The following ARHGAP24 variants were observed in gnomAD, a reference collection of about 807,000 sequenced individuals.
ARHGAP24 encodes rho GTPase-activating protein 24.
ARHGAP24 carries 50 observed loss-of-function variants against 76.4 expected under a neutral mutation model. The observed-to-expected ratio is 0.65, with a 90% CI of 0.52 to 0.83. The LOEUF (loss-of-function observed/expected upper bound fraction) is 0.83. Ranked by LOEUF, ARHGAP24 falls within the 40% of genes least tolerant of loss-of-function variation. The pLI is 0.00. For synonymous variants in ARHGAP24, 345 were observed against 323.3 expected (o/e 1.07, Z -0.72); for missense variants, 930 against 914.2 (o/e 1.02, Z -0.22).
intron 3 of ARHGAP24, among the ~76,000 whole-genome samples, chr4:85,754,242 G>A (rs183943418): frequency 6.6e-6 from 1 of 152,286 alleles, no homozygotes; most frequent in East Asian, 1.9e-4. Flanking sequence ...CATCCATGCT[G>A]CTGCAAATGA....
intron 3 of ARHGAP24, among the ~76,000 whole-genome samples, chr4:85,913,463 CTT>C (rs1388721906): frequency 2.0e-5 from 3 of 151,974 alleles, no homozygotes; most frequent in African/African-American, 2.4e-5. Flanking sequence ...TTCAGCCTCT[CTT>C]GTTTCTTTCT....
rs1740625017 is a variant in ARHGAP24 at position 85,995,730 on chromosome 4, G to A, written c.2003+73G>A. The A allele has an allele frequency of 2.1e-6, 3 of 1,420,506 alleles. No individual in the cohort carries two copies. In the Admixed American group the frequency reaches 5.4e-5, roughly 26 times the overall value. 88.0% of individuals were successfully genotyped at this position (1,420,506 alleles called of 1,614,324 possible). On this transcript the variant is annotated intron_variant, in intron 9 of 9. Transcript: ENST00000395184. ...TCCTACTGTGGGACAGGATCACACT[G>A]AGGGTGACATATGCTGGCTCCAAAG...
chr4:85,695,783 A>G (rs770269818), intron 2 of ARHGAP24, among the ~76,000 whole-genome samples: 27 of 152,338 alleles, frequency 1.8e-4, no homozygotes, highest in South Asian at 4.1e-4. Flanking sequence ...GTTGAATTTG[A>G]ATAACAGCAA....
chr4:85,841,110 C>A (rs1218757038), intron 3 of ARHGAP24, among the ~76,000 whole-genome samples: 2 of 152,180 alleles, frequency 1.3e-5, no homozygotes, highest in Non-Finnish European at 2.9e-5. Flanking sequence ...AAAAACTGCT[C>A]AGTAGGCTAT....
intron 3 of ARHGAP24, among the ~76,000 whole-genome samples, chr4:85,910,826 G>A (rs1735034268): frequency 6.6e-6 from 1 of 152,094 alleles, no homozygotes; most frequent in Non-Finnish European, 1.5e-5. Context: ...TCCCACTCCT[G>A]TCCCTCGGTG....
At chr4:85,746,899 C>T (rs28490560) in intron 3 of ARHGAP24, among the ~76,000 whole-genome samples, 76,698 of 151,804 alleles carry the variant, frequency 0.51, 22,887 homozygotes, top group Non-Finnish European at 0.69. Flanking sequence ...GTGATCTGCC[C>T]GCCTCAGCCT....
chr4:85,965,104 C>T (rs781682299), intron 5 of ARHGAP24, among the ~76,000 whole-genome samples: 122 of 152,140 alleles, frequency 8.0e-4, no homozygotes, highest in African/African-American at 1.2e-3. Context: ...AAAGACATAC[C>T]GGAGACTGCG....
At chr4:85,554,864 T>A (rs1726295276) in intron 1 of ARHGAP24, among the ~76,000 whole-genome samples, 1 of 150,638 alleles carries the variant, frequency 6.6e-6, no homozygotes, top group African/African-American at 2.5e-5. Flanking sequence ...GTATTTTTAG[T>A]AGAGATGGGG....
At chr4:85,824,035 A>C (rs1729597298) in intron 3 of ARHGAP24, among the ~76,000 whole-genome samples, 1 of 152,162 alleles carries the variant, frequency 6.6e-6, no homozygotes. Flanking sequence ...CAGCAAAAAA[A>C]CACAATTATA....
rs978072271 is a variant in ARHGAP24, at chr4:85,506,129, G to C, written c.-21+30570G>C. ...TCCTCTGGAAGCTTCGTCCAAGAGA[G>C]GCACCTGACTGTATGAGGTGTCTGT... is the stretch of plus-strand genomic sequence containing the variant. On this transcript the variant is annotated intron_variant, in intron 1 of 9. Transcript: ENST00000395184. 2.6e-5 allele frequency among the ~76,000 whole-genome samples: 4 copies of C among 152,230 alleles called. No homozygotes were observed. In the East Asian group the frequency reaches 5.8e-4, roughly 22 times the overall value.
At chr4:85,989,913 A>C (rs1040895761) in intron 8 of ARHGAP24, 3 of 151,884 alleles carry the variant, frequency 2.0e-5, no homozygotes, top group Admixed American at 1.3e-4. Context: ...GGTTTAAGGT[A>C]AGTTTACCTT....
intron 3 of ARHGAP24, among the ~76,000 whole-genome samples, chr4:85,743,403 A>C (rs1725899764): frequency 5.6e-5 from 1 of 17,710 alleles, no homozygotes; most frequent in African/African-American, 1.5e-4. Context: ...AAAAAAAAAA[A>C]AAAAAAAAAA....
At chr4:85,671,811 A>G (rs577940566) in intron 2 of ARHGAP24, among the ~76,000 whole-genome samples, 11 of 152,312 alleles carry the variant, frequency 7.2e-5, no homozygotes, top group East Asian at 3.9e-4. Context: ...TGCCTCTACT[A>G]AAAAGAAGAA....
intron 1 of ARHGAP24, among the ~76,000 whole-genome samples, chr4:85,485,221 G>T (rs1389125847): frequency 6.7e-6 from 1 of 149,478 alleles, no homozygotes; most frequent in Non-Finnish European, 1.5e-5. Context: ...GGTGGTGGGC[G>T]CCTGTAGTCC....
At chr4:85,698,427 C>T (rs533315589) in intron 2 of ARHGAP24, among the ~76,000 whole-genome samples, 39 of 152,244 alleles carry the variant, frequency 2.6e-4, no homozygotes, top group Non-Finnish European at 5.9e-5. Flanking sequence ...TTGTGGGATT[C>T]TTTGAATGTT....
chr4:85,630,907 G>A (rs1236065258), intron 2 of ARHGAP24, among the ~76,000 whole-genome samples: 1 of 151,854 alleles, frequency 6.6e-6, no homozygotes, highest in African/African-American at 2.4e-5. Context: ...GTTAGTCTTT[G>A]TGATACATAG....
intron 1 of ARHGAP24, among the ~76,000 whole-genome samples, chr4:85,501,865 T>G (rs564273406): frequency 1.0e-3 from 158 of 152,322 alleles, no homozygotes; most frequent in Admixed American, 3.1e-3. Context: ...GGTCTAACAT[T>G]AAAGTCTTTA....
intron 5 of ARHGAP24, among the ~76,000 whole-genome samples, chr4:85,948,295 A>G (rs982519001): frequency 6.6e-6 from 1 of 152,320 alleles, no homozygotes; most frequent in African/African-American, 2.4e-5. Flanking sequence ...TCCTCATAAT[A>G]GAATATCGTA....
chr4:85,745,732 G>C (rs1489210052), intron 3 of ARHGAP24, among the ~76,000 whole-genome samples: 1 of 152,078 alleles, frequency 6.6e-6, no homozygotes, highest in African/African-American at 2.4e-5. Flanking sequence ...AATCTAATGG[G>C]CTACAGATTA....
Sources: gnomAD v4.1 joint callset for allele counts (sites outside exome capture counted in the v4.1 genomes callset) on GRCh38, gnomAD v4.1.1 for gene constraint, MANE v1.5 for transcripts, NCBI Gene and HGNC (gene_info 2026-07-23, HGNC 2026-07-21) for gene names.